The following TP53BP1 variants were observed in gnomAD, a reference collection of about 807,000 sequenced individuals.
The protein encoded by TP53BP1 is TP53-binding protein 1.
A neutral mutation model predicts 200.8 loss-of-function variants in TP53BP1; 61 were observed. The observed-to-expected ratio is 0.30, with a 90% CI of 0.25 to 0.38. TP53BP1 has a LOEUF of 0.38. Among genes scored for constraint, TP53BP1 ranks in the 10% least tolerant of loss-of-function variants. TP53BP1 has a pLI of 1.00. For missense variants in TP53BP1, 2,144 were observed against 2,371.9 expected, an observed-to-expected ratio of 0.90 and a Z score of 2.00; for synonymous variants, 822 against 844.3, an observed-to-expected ratio of 0.97 and a Z score of 0.46.
chr15:43,460,469 G>A (rs930631094), intron 11 of TP53BP1, among the ~76,000 whole-genome samples: 4 of 152,012 alleles, frequency 2.6e-5, no homozygotes, highest in African/African-American at 9.7e-5. Context: ...TTGTTGCCCA[G>A]GCTTGTTTCA....
chr15:43,510,184 G>C, intron 1 of TP53BP1, among the ~76,000 whole-genome samples: 1 of 146,868 alleles, frequency 6.8e-6, no homozygotes, highest in Non-Finnish European at 1.5e-5. Context: ...TGGGAGGGGG[G>C]GAAGTAATAC....
chr15:43,471,127 T>C (rs1264558860), intron 10 of TP53BP1, among the ~76,000 whole-genome samples: 1 of 151,282 alleles, frequency 6.6e-6, no homozygotes, highest in Non-Finnish European at 1.5e-5. Flanking sequence ...AACAAATAAA[T>C]ACAAAAAGCA....
chr15:43,467,075 G>A (rs1313618274), intron 11 of TP53BP1, among the ~76,000 whole-genome samples: 1 of 147,078 alleles, frequency 6.8e-6, no homozygotes, highest in African/African-American at 2.5e-5. Context: ...TTTTTTTTGA[G>A]ACAAGGTCTC....
chr15:43,467,845 G>A (rs137962742), intron 11 of TP53BP1, among the ~76,000 whole-genome samples: 31 of 151,114 alleles, frequency 2.1e-4, no homozygotes, highest in African/African-American at 6.6e-4. Flanking sequence ...GTGCAGTGGC[G>A]CGATCTCAGC....
chr15:43,456,332 G>C lies in TP53BP1; in HGVS notation c.2276C>G (p.Ser759Cys). ...TTTCACATCTACAATGACAACACTG[G>C]AGTCCTCTGAAGTAGCTTCTTCCCA... ...EAWEEATSED[S>C]SVVIVDVKEP... The change falls in exon 12 of 28, where the codon TCC becomes TGC. Residue 759 changes from serine to cysteine, a missense_variant. Around this residue, in one of 4 missense-constraint regions of TP53BP1, gnomAD observed 1,700 missense variants for 1,710.3 expected, o/e 0.99. Transcript: ENST00000382044. 1.2e-6 allele frequency: 2 copies of C among 1,613,880 alleles called. No individual in the cohort carries two copies. Among genetic ancestry groups the C allele is most frequent in the Non-Finnish European group, 1.7e-6 (2 of 1,180,006 alleles).
chr15:43,442,982 T>C (rs902211486), intron 14 of TP53BP1, among the ~76,000 whole-genome samples: 26 of 151,378 alleles, frequency 1.7e-4, no homozygotes, highest in African/African-American at 6.3e-4. Flanking sequence ...CCTGCCACCA[T>C]GTCCGGCTAA....
At chr15:43,428,422 C>T (rs933642703) in intron 17 of TP53BP1, among the ~76,000 whole-genome samples, 2 of 152,162 alleles carry the variant, frequency 1.3e-5, no homozygotes, top group African/African-American at 4.8e-5. Context: ...ATCATTACAT[C>T]TAGTACTTGT....
intron 17 of TP53BP1, among the ~76,000 whole-genome samples, chr15:43,430,025 A>G (rs1372919597): frequency 6.6e-6 from 1 of 152,240 alleles, no homozygotes; most frequent in Non-Finnish European, 1.5e-5. Context: ...TGAGAGAATA[A>G]GGAGAAAAGG....
In TP53BP1 at chr15:43,404,572, A is replaced by G. The variant is rs753184705; in HGVS notation, c.*2811T>C. On this transcript the variant is annotated 3_prime_UTR_variant, in exon 28 of 28. Coordinates refer to ENST00000382044, the MANE Select transcript of TP53BP1 (RefSeq NM_001141980.3). ...GGGCAGGTAGGAGCAACCCTTGGGT[A>G]ACTCAGTAGACTTTTTAAGGTGGCT... 20 of 1,611,700 alleles carry G rather than the reference A, an allele frequency of 1.2e-5. No homozygotes were observed. Among genetic ancestry groups the G allele is most frequent in the Non-Finnish European group, 1.6e-5 (19 of 1,179,036 alleles).
intron 1 of TP53BP1, 54 bp from the exon 2 acceptor site, chr15:43,492,522 G>A: frequency 1.3e-6 from 2 of 1,496,866 alleles, no homozygotes; most frequent in South Asian, 1.2e-5. Flanking sequence ...CCTTGCTCAC[G>A]CAGTCTAAAC....
intron 11 of TP53BP1, among the ~76,000 whole-genome samples, chr15:43,461,672 TA>T (rs956022948): frequency 1.3e-4 from 18 of 143,530 alleles, no homozygotes; most frequent in East Asian, 7.9e-4. Flanking sequence ...ATATACATTA[TA>T]TTTTTTTTTT....
chr15:43,409,820 C>T (rs900129630), intron 24 of TP53BP1, 79 bp from the exon 25 acceptor site: 5 of 649,012 alleles, frequency 7.7e-6, no homozygotes, highest in African/African-American at 3.8e-5. Context: ...TTCTTACTGC[C>T]CCCTTTTCCA....
intron 15 of TP53BP1, among the ~76,000 whole-genome samples, chr15:43,439,913 C>T (rs1026582170): frequency 6.6e-6 from 1 of 152,186 alleles, no homozygotes; most frequent in Non-Finnish European, 1.5e-5. Context: ...ACACACTCCA[C>T]TTTCTTCAGC....
chr15:43,462,617 C>T (rs2046465754), intron 11 of TP53BP1, among the ~76,000 whole-genome samples: 1 of 152,150 alleles, frequency 6.6e-6, no homozygotes, highest in Non-Finnish European at 1.5e-5. Flanking sequence ...AGCATGACCA[C>T]ATCTTCTGCA....
intron 15 of TP53BP1, among the ~76,000 whole-genome samples, chr15:43,438,699 C>G (rs1245432887): frequency 9.2e-6 from 1 of 108,392 alleles, no homozygotes; most frequent in African/African-American, 4.7e-5. Flanking sequence ...ACAATCTGTA[C>G]CTTCAACAAA....
intron 23 of TP53BP1, 38 bp from the exon 24 acceptor site, chr15:43,413,372 C>T (rs746486415): frequency 6.4e-6 from 10 of 1,566,514 alleles, no homozygotes; most frequent in Non-Finnish European, 8.7e-6. Flanking sequence ...GAGGGATACA[C>T]ACCATTGCCT....
At chr15:43,492,993 G>C (rs758385132) in intron 1 of TP53BP1, 44 bp downstream of exon 1, 5 of 1,589,352 alleles carry the variant, frequency 3.1e-6, no homozygotes. Context: ...CCGAAATCCA[G>C]GCCTTCAGAG....
At position 43,457,144 on chromosome 15, in the gene TP53BP1, T is replaced by C; in HGVS notation, c.1464A>G (p.Ser488=). 1 of 1,614,098 alleles carries C rather than the reference T, an allele frequency of 6.2e-7. No homozygotes were observed. The highest frequency in any genetic ancestry group is 8.5e-7 in the Non-Finnish European group (1 of 1,179,964). The part of the protein sequence containing the change: ...DGKKDGDMHS[S]SLTVECSKTS... ...TTTTAGAACACTCAACTGTCAAAGA[T>C]GAACTATGCATATCTCCATCTTTCT... Residue 488 remains serine (S), a synonymous_variant, in exon 12 of 28, where the codon TCA becomes TCG. Transcript: ENST00000382044.
chr15:43,452,177 A>G (rs1055156161), intron 12 of TP53BP1, among the ~76,000 whole-genome samples: 4 of 152,016 alleles, frequency 2.6e-5, no homozygotes, highest in Admixed American at 6.6e-5. Flanking sequence ...TTTAGCAACT[A>G]AACAACTATA....
Sources: allele counts gnomAD v4.1 joint callset (sites outside exome capture counted in the v4.1 genomes callset), GRCh38; gene constraint gnomAD v4.1.1; regional missense constraint gnomAD v4.1.1; transcripts MANE v1.5; gene names NCBI Gene and HGNC (gene_info 2026-07-23, HGNC 2026-07-21).